Variants in MEF2C observed in about 807,000 individuals in gnomAD.
The protein encoded by MEF2C is myocyte-specific enhancer factor 2C.
Under a neutral mutation model 50.5 loss-of-function variants are expected in MEF2C, and 6 were observed. The ratio of observed to expected loss-of-function variants is 0.12; its 90% CI spans 0.07 to 0.23. The LOEUF is 0.23. Among genes scored for constraint, MEF2C ranks in the 10% least tolerant of loss-of-function variants. The pLI is 1.00. For missense variants in MEF2C, 276 were observed against 605.0 expected (o/e 0.46, Z 5.70); for synonymous variants, 183 against 228.0 (o/e 0.80, Z 1.78).
chr5:88,834,677 C>T (rs757554983), intron 1 of MEF2C, among the ~76,000 whole-genome samples: 21 of 152,034 alleles, frequency 1.4e-4, no homozygotes, highest in African/African-American at 2.7e-4. Context: ...GAGGAGATGA[C>T]GTTTGAGGAA....
intron 6 of MEF2C, chr5:88,742,831 T>C (rs939948221): frequency 3.7e-5 from 36 of 985,146 alleles, no homozygotes; most frequent in Non-Finnish European, 4.1e-5. Context: ...AAGTGAACAC[T>C]GATTTTCTTG....
At chr5:88,781,174 A>G (rs956379188) in intron 3 of MEF2C, among the ~76,000 whole-genome samples, 7 of 152,256 alleles carry the variant, frequency 4.6e-5, no homozygotes, top group Non-Finnish European at 1.0e-4. Flanking sequence ...AGAAATATAC[A>G]TACATTATAT....
intron 6 of MEF2C, chr5:88,740,639 C>G: frequency 1.0e-6 from 1 of 967,302 alleles, no homozygotes; most frequent in African/African-American, 1.9e-5. Flanking sequence ...CTTGTATTTG[C>G]AAATAAGGAA....
chr5:88,762,893 T>G (rs1437100544), intron 3 of MEF2C, among the ~76,000 whole-genome samples: 1 of 152,202 alleles, frequency 6.6e-6, no homozygotes, highest in African/African-American at 2.4e-5. Context: ...CACCCCATCT[T>G]TAATTCATGC....
chr5:88,782,333 G>T (rs1218083831), intron 3 of MEF2C: 1 of 204,380 alleles, frequency 4.9e-6, no homozygotes. Context: ...GGGTGTGGTG[G>T]TATGTGCCTG....
At chr5:88,869,422 G>C (rs1327754631) in intron 1 of MEF2C, among the ~76,000 whole-genome samples, 1 of 150,480 alleles carries the variant, frequency 6.6e-6, no homozygotes, top group Non-Finnish European at 1.5e-5. Flanking sequence ...TAATTTTCCT[G>C]AACGTTGTAT....
chr5:88,845,655 G>A (rs150618985), intron 1 of MEF2C, among the ~76,000 whole-genome samples: 1,651 of 152,240 alleles, frequency 0.011, 14 homozygotes, highest in Non-Finnish European at 0.015. Context: ...CTTCTATGGT[G>A]AACATCTCAG....
At chr5:88,763,029 C>A (rs1778538506) in intron 3 of MEF2C, among the ~76,000 whole-genome samples, 1 of 152,114 alleles carries the variant, frequency 6.6e-6, no homozygotes, top group Non-Finnish European at 1.5e-5. Context: ...TTCTGAGGCA[C>A]TGAATATTTT....
chr5:88,827,364 T>C (rs1003223529), intron 1 of MEF2C, among the ~76,000 whole-genome samples: 2 of 151,944 alleles, frequency 1.3e-5, no homozygotes, highest in African/African-American at 4.8e-5. Context: ...AAGGATATGA[T>C]GTCAGCAACC....
At chr5:88,743,593 T>G in intron 6 of MEF2C, 1 of 981,280 alleles carries the variant, frequency 1.0e-6, no homozygotes, top group Non-Finnish European at 1.2e-6. Context: ...AAATGGATTG[T>G]AAAAATATTT....
intron 3 of MEF2C, chr5:88,771,315 T>A: frequency 3.7e-6 from 2 of 536,818 alleles, no homozygotes; most frequent in Non-Finnish European, 2.4e-6. Flanking sequence ...ACTGCTTTGA[T>A]ATACGCCATT....
chr5:88,757,117 G>C (rs1338693263), intron 4 of MEF2C, among the ~76,000 whole-genome samples: 1 of 152,138 alleles, frequency 6.6e-6, no homozygotes, highest in East Asian at 1.9e-4. Context: ...ACACAGACAT[G>C]ACAGCTAAAA....
At chr5:88,748,656 TC>T (rs1162715936) in intron 6 of MEF2C, 1 of 543,202 alleles carries the variant, frequency 1.8e-6, no homozygotes, top group African/African-American at 2.1e-5. Context: ...CCCCTCCTTT[TC>T]TTTATGTACT....
intron 1 of MEF2C, among the ~76,000 whole-genome samples, chr5:88,862,719 G>C (rs541548697): frequency 1.6e-4 from 24 of 152,138 alleles, no homozygotes; most frequent in Non-Finnish European, 3.2e-4. Flanking sequence ...TGCAGGGGAG[G>C]ACCCGGATCA....
At chr5:88,741,892 CAGTT>C (rs1207771498) in intron 6 of MEF2C, 1 of 985,180 alleles carries the variant, frequency 1.0e-6, no homozygotes, top group Non-Finnish European at 1.2e-6. Flanking sequence ...TTGGACGTAT[CAGTT>C]GGTTATAAAT....
At chr5:88,838,451 G>T in intron 1 of MEF2C, 1 of 490,660 alleles carries the variant, frequency 2.0e-6, no homozygotes, top group Non-Finnish European at 2.6e-6. Context: ...GTATAAATCA[G>T]TATATATTCT....
At chr5:88,749,209 T>C in intron 5 of MEF2C, 92 bp from the exon 6 acceptor site, 1 of 1,359,870 alleles carries the variant, frequency 7.4e-7, no homozygotes, top group Non-Finnish European at 9.8e-7. Flanking sequence ...TTTTGTCCTC[T>C]TGCAATAGTC....
At chr5:88,792,304 G>A (rs1332701090) in intron 3 of MEF2C, among the ~76,000 whole-genome samples, 1 of 152,024 alleles carries the variant, frequency 6.6e-6, no homozygotes, top group Admixed American at 6.6e-5. Context: ...TGGACAACTT[G>A]CAAGTGCTTT....
intron 3 of MEF2C, among the ~76,000 whole-genome samples, chr5:88,794,902 C>T (rs532166461): frequency 1.3e-5 from 2 of 152,198 alleles, no homozygotes; most frequent in African/African-American, 2.4e-5. Flanking sequence ...AATAGAGAAT[C>T]GTTTCTCCAT....
Sources: gnomAD v4.1 joint callset for allele counts (sites outside exome capture counted in the v4.1 genomes callset) on GRCh38, gnomAD v4.1.1 for gene constraint, MANE v1.5 for transcripts, NCBI Gene and HGNC (gene_info 2026-07-23, HGNC 2026-07-21) for gene names.